Variants in RHOA observed in about 807,000 individuals in gnomAD.
The protein encoded by RHOA is transforming protein RhoA.
In RHOA, 3 loss-of-function variants were observed where a neutral mutation model predicts 17.5. The ratio of observed to expected loss-of-function variants is 0.17; its 90% CI spans 0.08 to 0.44. The LOEUF (loss-of-function observed/expected upper bound fraction) is 0.44, where lower values mean the gene tolerates loss of function less well. Ranked by LOEUF, RHOA falls within the 20% of genes least tolerant of loss-of-function variation. The probability of loss-of-function intolerance (pLI) is 0.99; values close to 1 mark genes in which losing one functional copy is unlikely to be tolerated. For missense variants in RHOA, 56 were observed against 242.3 expected (o/e 0.23, Z 5.10); for synonymous variants, 98 against 88.4 (o/e 1.11, Z -0.61).
intron 2 of RHOA, among the ~76,000 whole-genome samples, chr3:49,374,399 A>G (rs2048191243): frequency 6.6e-6 from 1 of 152,128 alleles, no homozygotes; most frequent in African/African-American, 2.4e-5. Context: ...GCAATGAACT[A>G]AACTTCAAAT....
At chr3:49,370,431 CGA>C (rs1411197490) in intron 2 of RHOA, among the ~76,000 whole-genome samples, 1 of 151,990 alleles carries the variant, frequency 6.6e-6, no homozygotes, top group Non-Finnish European at 1.5e-5. Context: ...GGCATACAGG[CGA>C]GAGAGGAAGA....
At chr3:49,397,389 T>C (rs2048634724) in intron 1 of RHOA, among the ~76,000 whole-genome samples, 1 of 152,154 alleles carries the variant, frequency 6.6e-6, no homozygotes, top group African/African-American at 2.4e-5. Context: ...TAAAATTGAC[T>C]GTAGTGATAC....
chr3:49,368,592 C>T (rs1361152297), intron 2 of RHOA, 44 bp from the exon 3 acceptor site: 57 of 1,611,350 alleles, frequency 3.5e-5, no homozygotes, highest in Non-Finnish European at 4.8e-5. Flanking sequence ...GTTAATCCCC[C>T]CACCCACTTT....
intron 2 of RHOA, among the ~76,000 whole-genome samples, chr3:49,373,500 C>G (rs1328667835): frequency 6.6e-6 from 1 of 152,150 alleles, no homozygotes; most frequent in Non-Finnish European, 1.5e-5. Context: ...GGGTTTTTTC[C>G]TTTCAGCTGA....
At chr3:49,407,487 C>G (rs62261212) in intron 1 of RHOA, among the ~76,000 whole-genome samples, 1 of 152,008 alleles carries the variant, frequency 6.6e-6, no homozygotes, top group East Asian at 1.9e-4. Flanking sequence ...ACCTGCCCAG[C>G]ACTTCCAAAG....
At chr3:49,362,697 G>T in intron 3 of RHOA, 71 bp from the exon 4 acceptor site, 1 of 1,288,742 alleles carries the variant, frequency 7.8e-7, no homozygotes, top group East Asian at 2.5e-5. Context: ...GAACCTCAGT[G>T]AAATTGCAGA....
chr3:49,374,499 A>G (rs1480856170), intron 2 of RHOA, among the ~76,000 whole-genome samples: 1 of 152,040 alleles, frequency 6.6e-6, no homozygotes, highest in Non-Finnish European at 1.5e-5. Context: ...CAGGTGGATC[A>G]TCTGAGGTCA....
At chr3:49,402,465 G>A (rs1394900899) in intron 1 of RHOA, among the ~76,000 whole-genome samples, 6 of 152,238 alleles carry the variant, frequency 3.9e-5, no homozygotes, top group East Asian at 3.9e-4. Context: ...CCAGAGCTCA[G>A]GAGTTAGAGA....
intron 1 of RHOA, among the ~76,000 whole-genome samples, chr3:49,402,583 AG>A (rs1403830934): frequency 6.6e-6 from 1 of 152,034 alleles, no homozygotes; most frequent in Non-Finnish European, 1.5e-5. Context: ...CTGAGGCAGG[AG>A]TATTACTTGG....
At chr3:49,411,142 T>G (rs2048926796) in intron 1 of RHOA, among the ~76,000 whole-genome samples, 1 of 152,086 alleles carries the variant, frequency 6.6e-6, no homozygotes, top group Admixed American at 6.5e-5. Context: ...CAGTTTTGTG[T>G]GTTGTTTTTT....
chr3:49,409,093 C>T (rs1442140150), intron 1 of RHOA, among the ~76,000 whole-genome samples: 1 of 151,190 alleles, frequency 6.6e-6, no homozygotes, highest in Non-Finnish European at 1.5e-5. Flanking sequence ...CTGCCAGGAT[C>T]CTTTTAAAAC....
intron 1 of RHOA, among the ~76,000 whole-genome samples, chr3:49,380,674 A>AAAT (rs199906304): frequency 0.038 from 5,187 of 137,452 alleles, 110 homozygotes; most frequent in Middle Eastern, 0.07. Flanking sequence ...CTTGTCTCAA[A>AAAT]AATAATAATA....
intron 1 of RHOA, among the ~76,000 whole-genome samples, chr3:49,377,727 T>C (rs903071848): frequency 3.3e-5 from 5 of 151,988 alleles, no homozygotes; most frequent in African/African-American, 4.8e-5. Flanking sequence ...TGAGCTATGA[T>C]TGCATCACTG....
intron 1 of RHOA, among the ~76,000 whole-genome samples, chr3:49,398,474 A>G (rs1202507687): frequency 6.6e-6 from 1 of 152,050 alleles, no homozygotes; most frequent in Admixed American, 6.6e-5. Context: ...AAAGGTAAGG[A>G]GCAGTGAAAG....
intron 1 of RHOA, among the ~76,000 whole-genome samples, chr3:49,387,930 C>A (rs1481575975): frequency 6.6e-6 from 1 of 151,794 alleles, no homozygotes; most frequent in African/African-American, 2.4e-5. Context: ...TCTAGCATGT[C>A]TTACACCTGT....
chr3:49,407,077 A>C (rs564490634), intron 1 of RHOA, among the ~76,000 whole-genome samples: 1 of 152,180 alleles, frequency 6.6e-6, no homozygotes, highest in Admixed American at 6.6e-5. Flanking sequence ...AACCTGGGAA[A>C]CAAAGGTTGA....
At chr3:49,391,937 C>T (rs1342255169) in intron 1 of RHOA, among the ~76,000 whole-genome samples, 1 of 150,344 alleles carries the variant, frequency 6.7e-6, no homozygotes, top group East Asian at 1.9e-4. Flanking sequence ...AAGTGATTCT[C>T]CCGCCTCAGC....
chr3:49,363,267 A>C (rs1319248526), intron 3 of RHOA, among the ~76,000 whole-genome samples: 8 of 151,984 alleles, frequency 5.3e-5, no homozygotes, highest in Non-Finnish European at 1.0e-4. Context: ...AAATACAAAA[A>C]AAATTAGCCG....
chr3:49,365,390 A>G (rs2048039207), intron 3 of RHOA, among the ~76,000 whole-genome samples: 1 of 151,432 alleles, frequency 6.6e-6, no homozygotes, highest in Admixed American at 6.6e-5. Context: ...GGATCCACCC[A>G]CCTTGGCCTC....
Sources: gnomAD v4.1 joint callset for allele counts (sites outside exome capture counted in the v4.1 genomes callset) on GRCh38, gnomAD v4.1.1 for gene constraint, MANE v1.5 for transcripts, NCBI Gene and HGNC (gene_info 2026-07-23, HGNC 2026-07-21) for gene names.